The following NCOA2 variants were observed in gnomAD, a reference collection of about 807,000 sequenced individuals.
NCOA2 encodes the protein class E basic helix-loop-helix protein 75.
A neutral mutation model predicts 145.1 loss-of-function variants in NCOA2; 21 were observed. The observed-to-expected ratio is 0.14, with a 90% CI of 0.10 to 0.21. The LOEUF is 0.21. NCOA2 is among the 10% of genes least tolerant of loss of function. NCOA2 has a pLI of 1.00. For missense variants in NCOA2, 1,472 were observed against 1,837.6 expected, an observed-to-expected ratio of 0.80 and a Z score of 3.64; for synonymous variants, 619 against 637.5, an observed-to-expected ratio of 0.97 and a Z score of 0.44.
chr8:70,222,416 T>G (rs1304185342), intron 2 of NCOA2, among the ~76,000 whole-genome samples: 2 of 152,218 alleles, frequency 1.3e-5, no homozygotes, highest in Non-Finnish European at 2.9e-5. Flanking sequence ...CCTTCTCTTA[T>G]GCTGTGTCTT....
At chr8:70,175,465 A>G (rs540233273) in intron 4 of NCOA2, among the ~76,000 whole-genome samples, 269 of 152,346 alleles carry the variant, frequency 1.8e-3, no homozygotes, top group Non-Finnish European at 2.8e-3. Context: ...CACTTGGGGA[A>G]TTTCAATGGC....
chr8:70,411,113 G>A, the NCOA2 span, among the ~76,000 whole-genome samples: 1 of 152,004 alleles, frequency 6.6e-6, no homozygotes, highest in African/African-American at 2.4e-5. Flanking sequence ...CCGGGTAAGA[G>A]GGAAGTTCCC....
chr8:70,408,271 G>A (rs867097095), upstream of NCOA2, among the ~76,000 whole-genome samples: 5 of 152,252 alleles, frequency 3.3e-5, no homozygotes, highest in South Asian at 4.1e-4. Context: ...TATAGTGTAC[G>A]TACAAAATTC....
chr8:70,385,913 T>C (rs1812615576), intron 1 of NCOA2, among the ~76,000 whole-genome samples: 1 of 152,250 alleles, frequency 6.6e-6, no homozygotes, highest in African/African-American at 2.4e-5. Context: ...GAGGCATTTG[T>C]GTGTAACTTG....
chr8:70,329,847 A>T (rs545328161), intron 1 of NCOA2, among the ~76,000 whole-genome samples: 11 of 152,348 alleles, frequency 7.2e-5, no homozygotes, highest in Admixed American at 5.2e-4. Flanking sequence ...TTCAACTTTT[A>T]TAAAGTTCAA....
At chr8:70,407,822 G>T (rs1814806140), upstream of NCOA2, among the ~76,000 whole-genome samples, 2 of 151,914 alleles carry the variant, frequency 1.3e-5, no homozygotes, top group Admixed American at 6.6e-5. Context: ...CTCAATAAAT[G>T]ATCATGAAAA....
At chr8:70,162,916 T>TTTG (rs1813197881) in intron 8 of NCOA2, 62 bp from the exon 9 acceptor site, 1 of 1,414,420 alleles carries the variant, frequency 7.1e-7, no homozygotes. Context: ...AAATAATTTT[T>TTTG]TTTTTTTTTT....
intron 18 of NCOA2, among the ~76,000 whole-genome samples, chr8:70,127,317 C>A (rs1436232863): frequency 6.6e-6 from 1 of 152,142 alleles, no homozygotes; most frequent in Non-Finnish European, 1.5e-5. Context: ...TTTGTAAGGA[C>A]ACAATTAACT....
At chr8:70,122,822 T>C (rs1463315367) in intron 21 of NCOA2, among the ~76,000 whole-genome samples, 1 of 152,224 alleles carries the variant, frequency 6.6e-6, no homozygotes, top group African/African-American at 2.4e-5. Context: ...CTTCAATCTT[T>C]CACCATTCTC....
At chr8:70,323,545 T>C (rs1223782336) in intron 1 of NCOA2, among the ~76,000 whole-genome samples, 1 of 152,168 alleles carries the variant, frequency 6.6e-6, no homozygotes, top group Non-Finnish European at 1.5e-5. Flanking sequence ...AACAGCCTAA[T>C]CTGGAAATTT....
At chr8:70,247,165 C>T (rs1302546069) in intron 2 of NCOA2, among the ~76,000 whole-genome samples, 1 of 152,076 alleles carries the variant, frequency 6.6e-6, no homozygotes, top group Admixed American at 6.5e-5. Context: ...ACCATGGCCA[C>T]TCTGGAAGAC....
At chr8:70,190,548 C>T (rs1734933870) in intron 4 of NCOA2, among the ~76,000 whole-genome samples, 1 of 152,118 alleles carries the variant, frequency 6.6e-6, no homozygotes, top group South Asian at 2.1e-4. Context: ...CTATAATAAA[C>T]TATTTATAAG....
chr8:70,407,095 A>C (rs1328023369), upstream of NCOA2, among the ~76,000 whole-genome samples: 1 of 152,228 alleles, frequency 6.6e-6, no homozygotes, highest in Non-Finnish European at 1.5e-5. Flanking sequence ...TAGCACAGTT[A>C]TCTCTGTTTT....
chr8:70,189,127 G>A (rs1032669092), intron 4 of NCOA2, among the ~76,000 whole-genome samples: 3 of 151,994 alleles, frequency 2.0e-5, no homozygotes, highest in East Asian at 1.9e-4. Context: ...CTCCGGACAC[G>A]CCCAGCCAAA....
At chr8:70,261,620 A>G (rs186708395) in intron 2 of NCOA2, among the ~76,000 whole-genome samples, 38 of 152,292 alleles carry the variant, frequency 2.5e-4, no homozygotes, top group African/African-American at 7.9e-4. Flanking sequence ...TGGACTGTCA[A>G]GTAAAAGTTT....
At chr8:70,148,113 T>C (rs1360087330) in intron 12 of NCOA2, among the ~76,000 whole-genome samples, 160 bp downstream of exon 12, 1 of 152,194 alleles carries the variant, frequency 6.6e-6, no homozygotes, top group Non-Finnish European at 1.5e-5. Context: ...GGAGGATCCA[T>C]TTTGAATACT....
chr8:70,209,160 T>G (rs1818764224), intron 4 of NCOA2, among the ~76,000 whole-genome samples: 1 of 152,212 alleles, frequency 6.6e-6, no homozygotes, highest in South Asian at 2.1e-4. Flanking sequence ...GATTCCTGAC[T>G]TCAGTGGAGG....
intron 1 of NCOA2, among the ~76,000 whole-genome samples, chr8:70,377,929 G>A (rs1811823421): frequency 6.6e-6 from 1 of 152,052 alleles, no homozygotes; most frequent in African/African-American, 2.4e-5. Flanking sequence ...CTTTAACAAT[G>A]ATAACTCTGA....
intron 2 of NCOA2, among the ~76,000 whole-genome samples, chr8:70,243,710 T>G (rs188594646): frequency 6.7e-6 from 1 of 149,512 alleles, no homozygotes; most frequent in East Asian, 2.0e-4. Context: ...TATGTAACCC[T>G]GAAAATGGTA....
Sources: allele counts gnomAD v4.1 joint callset (sites outside exome capture counted in the v4.1 genomes callset), GRCh38; gene constraint gnomAD v4.1.1; transcripts MANE v1.5; gene names NCBI Gene and HGNC (gene_info 2026-07-23, HGNC 2026-07-21).